NFAM1: variants seen among roughly 807,000 people sequenced by gnomAD.
NFAM1 encodes NFAT activation molecule 1.
Under a neutral mutation model 29.0 loss-of-function variants are expected in NFAM1, and 17 were observed. That is an observed-to-expected ratio of 0.59 (90% CI 0.40 to 0.88). NFAM1 has a LOEUF of 0.88. NFAM1 is among the 40% of genes least tolerant of loss of function. NFAM1 has a pLI of 0.00. For missense variants in NFAM1, 324 were observed against 344.6 expected (o/e 0.94, Z 0.47); for synonymous variants, 175 against 147.2 (o/e 1.19, Z -1.36).
chr22:42,408,896 C>T (rs935460823), intron 3 of NFAM1, among the ~76,000 whole-genome samples: 1 of 152,222 alleles, frequency 6.6e-6, no homozygotes, highest in Non-Finnish European at 1.5e-5. Context: ...CAAATCACAA[C>T]GTCTCTGAGC....
chr22:42,400,321 G>A lies in NFAM1; in HGVS notation c.565-2365C>T, dbSNP rs534323706. Reference sequence around the variant, plus strand: ...AGAGGAGGTGGGCATGGAATTGCCCGTTTAACAGACAGGGGGCCAGGTGCA... The same window carrying A: ...AGAGGAGGTGGGCATGGAATTGCCCATTTAACAGACAGGGGGCCAGGTGCA... On this transcript the variant is annotated intron_variant, in intron 3 of 5. Coordinates refer to ENST00000329021, the MANE Select transcript of NFAM1 (RefSeq NM_145912.8). Among the ~76,000 whole-genome samples the A allele has an allele frequency of 2.0e-4, 30 of 152,250 alleles. 2 individuals are homozygous for A. The South Asian group carries it at 5.8e-3, about 29-fold the overall frequency.
At chr22:42,394,613 A>C (rs1351588488) in intron 4 of NFAM1, among the ~76,000 whole-genome samples, 1 of 152,254 alleles carries the variant, frequency 6.6e-6, no homozygotes, top group Non-Finnish European at 1.5e-5. Flanking sequence ...AAGCCATATC[A>C]AAGGGAAGTT....
intron 1 of NFAM1, among the ~76,000 whole-genome samples, chr22:42,414,499 G>A (rs1172053697): frequency 6.6e-6 from 1 of 152,056 alleles, no homozygotes; most frequent in Non-Finnish European, 1.5e-5. Context: ...CAGCTACTCA[G>A]GAGCCAAAGC....
At position 42,381,406 on chromosome 22, in the gene NFAM1, A is replaced by T. The variant is rs1323488771; in HGVS notation, c.*3755T>A. ...AGGCAGGGATGCCTGGGGGTGCCAGACGTGGCTGAGATGTTTCTGCAGAGG... is the reference window on the plus strand; with the variant it reads ...AGGCAGGGATGCCTGGGGGTGCCAGTCGTGGCTGAGATGTTTCTGCAGAGG... On this transcript the variant is annotated 3_prime_UTR_variant, in exon 6 of 6. Transcript: ENST00000329021. 6.5e-6 allele frequency: 1 copy of T among 152,698 alleles called. No individual in the cohort carries two copies. The highest frequency in any genetic ancestry group is 1.5e-5 in the Non-Finnish European group (1 of 68,166). The allele number at this position is 152,698 out of a possible 1,614,324, so 9.5% of individuals were successfully genotyped here.
chr22:42,420,832 A>C (rs1323698179), intron 1 of NFAM1, among the ~76,000 whole-genome samples: 1 of 152,216 alleles, frequency 6.6e-6, no homozygotes, highest in Non-Finnish European at 1.5e-5. Context: ...GGAAAGAAAT[A>C]TACTTCTTTA....
chr22:42,401,074 C>T (rs1319876683), intron 3 of NFAM1, among the ~76,000 whole-genome samples: 1 of 152,200 alleles, frequency 6.6e-6, no homozygotes, highest in African/African-American at 2.4e-5. Flanking sequence ...CCTCGAGGCT[C>T]TGTCAGTGAG....
intron 1 of NFAM1, among the ~76,000 whole-genome samples, chr22:42,414,138 G>A (rs1056406964): frequency 5.3e-5 from 8 of 152,244 alleles, no homozygotes; most frequent in East Asian, 1.9e-4. Context: ...CCAGGGAATC[G>A]ACTCACATGT....
intron 1 of NFAM1, among the ~76,000 whole-genome samples, chr22:42,416,359 A>G (rs1401606741): frequency 2.6e-5 from 4 of 152,144 alleles, no homozygotes; most frequent in East Asian, 1.9e-4. Context: ...AGAGATCATG[A>G]GTGGTGGGGC....
At chr22:42,425,497 C>T (rs963280315) in intron 1 of NFAM1, among the ~76,000 whole-genome samples, 1 of 151,910 alleles carries the variant, frequency 6.6e-6, no homozygotes, top group Non-Finnish European at 1.5e-5. Context: ...AGGCCTCCAT[C>T]CTTCCCTCTG....
upstream of NFAM1, among the ~76,000 whole-genome samples, chr22:42,433,666 T>C (rs910543145): frequency 3.3e-5 from 5 of 151,946 alleles, no homozygotes; most frequent in African/African-American, 1.2e-4. Context: ...ACTGGGAGGC[T>C]GGCAAGAGCA....
Position 42,385,152 on chromosome 22 carries a change from G to A in NFAM1, c.*9C>T. On this transcript the variant is annotated 3_prime_UTR_variant, in exon 6 of 6. Transcript: ENST00000329021. Reference sequence around the variant, plus strand: ...CCCAGGGCAAGCTCTATGAGCGGTGGAGCCCATCCTAGAGATTTTCATAGA... The same window carrying A: ...CCCAGGGCAAGCTCTATGAGCGGTGAAGCCCATCCTAGAGATTTTCATAGA... The A allele has an allele frequency of 6.2e-7, 1 of 1,609,308 alleles. No individual in the cohort carries two copies. Among genetic ancestry groups the A allele is most frequent in the Non-Finnish European group, 8.5e-7 (1 of 1,175,748 alleles).
rs869262500 is a variant in NFAM1 at position 42,419,990 on chromosome 22, G to GTTTTTTTT, written c.122-8262_122-8255dup. ...CTTTGAGTCTGTAATCCCACTCTTG[G>GTTTTTTTT]TTTTTTTTTTTTTTTTTTTTTTTTT... On this transcript the variant is annotated intron_variant, in intron 1 of 5. Coordinates refer to ENST00000329021, the MANE Select transcript of NFAM1 (RefSeq NM_145912.8). This position sits in a 1 kb window ranked among gnomAD's most constrained non-coding sequence, Gnocchi z 4.5. Among the ~76,000 whole-genome samples the GTTTTTTTT allele has an allele frequency of 2.0e-4, 6 of 30,522 alleles. 3 individuals are homozygous for GTTTTTTTT. The highest frequency in any genetic ancestry group is 1.1e-3 in the Admixed American group (2 of 1,850). The allele number at this position is 30,522 out of a possible 152,430, so 20.0% of individuals were successfully genotyped here. A position where few individuals can be genotyped will look rare whatever the true frequency, so the allele number is the denominator to read the frequency against.
intron 1 of NFAM1, among the ~76,000 whole-genome samples, chr22:42,414,186 C>T (rs1027096746): frequency 6.6e-6 from 1 of 152,156 alleles, no homozygotes; most frequent in African/African-American, 2.4e-5. Flanking sequence ...ATTGACATAA[C>T]GACACTCGCT....
intron 1 of NFAM1, among the ~76,000 whole-genome samples, chr22:42,412,337 G>A (rs952705220): frequency 2.0e-5 from 3 of 152,142 alleles, no homozygotes; most frequent in African/African-American, 7.2e-5. Flanking sequence ...GTTGTGCCAA[G>A]CATATTACGC....
intron 1 of NFAM1, among the ~76,000 whole-genome samples, chr22:42,425,413 T>C (rs1930591833): frequency 6.6e-6 from 1 of 152,140 alleles, no homozygotes; most frequent in African/African-American, 2.4e-5. Context: ...CTTGGCTAGC[T>C]CACTTTTATC....
At chr22:42,393,063 G>A (rs1295833485) in intron 4 of NFAM1, among the ~76,000 whole-genome samples, 2 of 152,002 alleles carry the variant, frequency 1.3e-5, no homozygotes, top group Non-Finnish European at 2.9e-5. Context: ...GCCTCCCAAA[G>A]AATAGGTCAA....
intron 1 of NFAM1, among the ~76,000 whole-genome samples, chr22:42,418,889 G>A (rs1173737371): frequency 6.6e-6 from 1 of 152,192 alleles, no homozygotes; most frequent in Non-Finnish European, 1.5e-5. Context: ...GGGGTGTGGT[G>A]TGTGCAGGGC....
At chr22:42,421,898 G>GT (rs1281901030) in intron 1 of NFAM1, among the ~76,000 whole-genome samples, 1 of 152,228 alleles carries the variant, frequency 6.6e-6, no homozygotes, top group African/African-American at 2.4e-5. Context: ...CCCCAGCCAT[G>GT]TGCCTGAGCA....
At chr22:42,401,535 CG>C (rs948132616) in intron 3 of NFAM1, among the ~76,000 whole-genome samples, 3 of 151,692 alleles carry the variant, frequency 2.0e-5, no homozygotes, top group South Asian at 2.1e-4. Context: ...GAGGCTGGGC[CG>C]GGGCAAGGGG....
Sources: allele counts gnomAD v4.1 joint callset (sites outside exome capture counted in the v4.1 genomes callset), GRCh38; gene constraint gnomAD v4.1.1; non-coding constraint Gnocchi (gnomAD v3.1); transcripts MANE v1.5; gene names NCBI Gene and HGNC (gene_info 2026-07-23, HGNC 2026-07-21).